IL1RAPL1: variants seen among roughly 807,000 people sequenced by gnomAD.
The protein encoded by IL1RAPL1 is interleukin-1 receptor accessory protein-like 1.
IL1RAPL1 carries 3 observed loss-of-function variants against 48.4 expected under a neutral mutation model. The observed-to-expected ratio is 0.06, with a 90% confidence interval of 0.03 to 0.16. The LOEUF is 0.16. IL1RAPL1 is among the 10% of genes least tolerant of loss of function. The pLI, the probability that IL1RAPL1 is intolerant of heterozygous loss-of-function variation, is 1.00. For synonymous variants in IL1RAPL1, 185 were observed against 187.7 expected, an observed-to-expected ratio of 0.99 and a Z score of 0.12; for missense variants, 349 against 530.6, an observed-to-expected ratio of 0.66 and a Z score of 3.36.
At chrX:29,332,204 CT>C (rs1932893050) in intron 3 of IL1RAPL1, among the ~76,000 whole-genome samples, 2 of 69,527 alleles carry the variant, frequency 2.9e-5, no homozygotes, top group Non-Finnish European at 5.0e-5. Flanking sequence ...GAAGACTCTT[CT>C]CTCTTCCTGA....
rs778566257 is a variant in IL1RAPL1 at position 28,783,829 on chromosome X, C to G, written c.-24-5491C>G. On this transcript the variant is annotated intron_variant, in intron 1 of 10. Transcript: ENST00000378993. Reference sequence around the variant, plus strand: ...CCTCTTCTGTGAATGTTTTCATGACCTATCCAGGCTGCACTGAGCACTTTC... The same window carrying G: ...CCTCTTCTGTGAATGTTTTCATGACGTATCCAGGCTGCACTGAGCACTTTC... Among the ~76,000 whole-genome samples the G allele has an allele frequency of 4.5e-5, 5 of 111,249 alleles. No individual in the cohort carries two copies. In the South Asian group the frequency reaches 1.5e-3, roughly 34 times the overall value.
intron 5 of IL1RAPL1, among the ~76,000 whole-genome samples, chrX:29,535,369 C>T (rs1369371596): frequency 1.8e-5 from 2 of 110,672 alleles, no homozygotes; most frequent in African/African-American, 3.3e-5. Context: ...CCTATCTCTG[C>T]CCAGATCTTC....
chrX:29,865,803 A>ATT (rs1161090848), intron 6 of IL1RAPL1, among the ~76,000 whole-genome samples: 1,757 of 86,253 alleles, frequency 0.02, 49 homozygotes, highest in African/African-American at 0.066. Context: ...CGCCTGGCTA[A>ATT]TTTTTTTTTT....
At chrX:29,287,618 A>G (rs1932303671) in intron 3 of IL1RAPL1, among the ~76,000 whole-genome samples, 1 of 112,076 alleles carries the variant, frequency 8.9e-6, no homozygotes, top group Non-Finnish European at 1.9e-5. Context: ...TGGTAGGCAT[A>G]TTGTGATAAC....
chrX:29,244,932 C>A (rs994147273), intron 2 of IL1RAPL1, among the ~76,000 whole-genome samples: 1 of 109,891 alleles, frequency 9.1e-6, no homozygotes, highest in Admixed American at 9.7e-5. Context: ...CCTAGCCCCC[C>A]ACCCCCCGAC....
rs776136380 is a variant in IL1RAPL1 at position 29,157,432 on chromosome X, A to G, written c.83-125506A>G. Among the ~76,000 whole-genome samples the G allele has an allele frequency of 2.6e-4, 29 of 111,799 alleles. 1 individual carries two copies. In the South Asian group the frequency reaches 0.01, roughly 39 times the overall value. ...GAAAAAACTTAAAAATATACACACA[A>G]ATTTATAAATGTCATGTGTATATAT... On this transcript the variant is annotated intron_variant, in intron 2 of 10. Coordinates refer to ENST00000378993, the MANE Select transcript of IL1RAPL1 (RefSeq NM_014271.4).
At chrX:29,403,900 G>A (rs985718262) in intron 5 of IL1RAPL1, among the ~76,000 whole-genome samples, 1 of 112,232 alleles carries the variant, frequency 8.9e-6, no homozygotes, top group South Asian at 3.6e-4. Context: ...TGGTGTTTAC[G>A]TACAATTGTT....
intron 2 of IL1RAPL1, among the ~76,000 whole-genome samples, chrX:28,903,021 A>G (rs1386732853): frequency 8.9e-6 from 1 of 112,201 alleles, no homozygotes; most frequent in Non-Finnish European, 1.9e-5. Flanking sequence ...TGTGCCAAAA[A>G]GATTGAGGGC....
intron 6 of IL1RAPL1, among the ~76,000 whole-genome samples, chrX:29,726,086 G>T (rs953033817): frequency 8.9e-6 from 1 of 112,052 alleles, no homozygotes; most frequent in Non-Finnish European, 1.9e-5. Flanking sequence ...TCAGACAAAA[G>T]AAAATGTCTC....
At chrX:29,004,913 A>G (rs1925939905) in intron 2 of IL1RAPL1, among the ~76,000 whole-genome samples, 1 of 112,107 alleles carries the variant, frequency 8.9e-6, no homozygotes. Context: ...TGATAGTGAC[A>G]GGTACAGACA....
chrX:29,686,758 C>T (rs6630934), intron 6 of IL1RAPL1, among the ~76,000 whole-genome samples: 42,805 of 107,454 alleles, frequency 0.4, 6,389 homozygotes, highest in South Asian at 0.53. Context: ...GGGGTTTCAC[C>T]ATGTTAGCCA....
chrX:28,888,247 G>A (rs558211411), intron 2 of IL1RAPL1, among the ~76,000 whole-genome samples: 1 of 103,112 alleles, frequency 9.7e-6, no homozygotes, highest in Admixed American at 1.1e-4. Context: ...GTCTTAATAG[G>A]CCACGTACTG....
intron 5 of IL1RAPL1, among the ~76,000 whole-genome samples, chrX:29,567,455 T>C (rs748488624): frequency 3.0e-4 from 33 of 111,680 alleles, no homozygotes; most frequent in Non-Finnish European, 5.1e-4. Context: ...AAGACAAAAA[T>C]AGGATTCATG....
intron 2 of IL1RAPL1, among the ~76,000 whole-genome samples, chrX:29,110,310 C>T (rs903579372): frequency 5.4e-5 from 6 of 111,621 alleles, no homozygotes; most frequent in African/African-American, 1.6e-4. Flanking sequence ...TTTACTGGTT[C>T]GAATATAGAA....
intron 2 of IL1RAPL1, among the ~76,000 whole-genome samples, chrX:29,045,214 C>T (rs1926928474): frequency 9.0e-6 from 1 of 111,315 alleles, no homozygotes; most frequent in African/African-American, 3.3e-5. Context: ...ATATTGAGCA[C>T]AATACAGAAG....
intron 2 of IL1RAPL1, among the ~76,000 whole-genome samples, chrX:28,799,865 G>T (rs1246048435): frequency 9.0e-6 from 1 of 111,339 alleles, no homozygotes; most frequent in African/African-American, 3.3e-5. Context: ...CAATTTTTGC[G>T]GGGAGAGTGG....
intron 5 of IL1RAPL1, among the ~76,000 whole-genome samples, chrX:29,587,059 A>G (rs1331074339): frequency 9.0e-6 from 1 of 110,971 alleles, no homozygotes; most frequent in Non-Finnish European, 1.9e-5. Flanking sequence ...AAACCATATA[A>G]TTTAGTCTGC....
At chrX:28,738,228 A>G (rs897301129) in intron 1 of IL1RAPL1, among the ~76,000 whole-genome samples, 3 of 111,743 alleles carry the variant, frequency 2.7e-5, no homozygotes, top group African/African-American at 9.7e-5. Flanking sequence ...GGGAACTAGA[A>G]TTGTCCTACA....
intron 1 of IL1RAPL1, among the ~76,000 whole-genome samples, chrX:28,608,892 G>GA (rs939353744): frequency 4.5e-5 from 5 of 110,789 alleles, no homozygotes; most frequent in African/African-American, 6.5e-5. Flanking sequence ...AAATGATTTG[G>GA]AAAAAAAAGA....
Sources: gnomAD v4.1 joint callset for allele counts (sites outside exome capture counted in the v4.1 genomes callset) on GRCh38, gnomAD v4.1.1 for gene constraint, MANE v1.5 for transcripts, NCBI Gene and HGNC (gene_info 2026-07-23, HGNC 2026-07-21) for gene names.